EPB41L3: variants seen among roughly 807,000 people sequenced by gnomAD.
The protein encoded by EPB41L3 is erythrocyte membrane protein band 4.1 like 3.
EPB41L3 carries 57 observed loss-of-function variants against 127.1 expected under a neutral mutation model. That is an observed-to-expected ratio of 0.45 (90% confidence interval 0.36 to 0.56). EPB41L3 has a LOEUF of 0.56. Ranked by LOEUF, EPB41L3 falls within the 20% of genes least tolerant of loss-of-function variation. The pLI, the probability that EPB41L3 is intolerant of heterozygous loss-of-function variation, is 0.00. For missense variants in EPB41L3, 1,273 were observed against 1,372.2 expected, an observed-to-expected ratio of 0.93 and a Z score of 1.14; for synonymous variants, 572 against 549.5, an observed-to-expected ratio of 1.04 and a Z score of -0.57.
chr18:5,607,289 C>T (rs1219807906), intron 3 of EPB41L3, among the ~76,000 whole-genome samples: 1 of 152,148 alleles, frequency 6.6e-6, no homozygotes, highest in East Asian at 1.9e-4. Flanking sequence ...CAAGCTGTCA[C>T]AAAACTCAGG....
intron 8 of EPB41L3, among the ~76,000 whole-genome samples, chr18:5,430,957 C>T (rs1431503005): frequency 1.3e-5 from 2 of 152,124 alleles, no homozygotes; most frequent in Non-Finnish European, 2.9e-5. Flanking sequence ...GCAAGGAGCA[C>T]TGGGGTGTAC....
chr18:5,559,643 C>G lies in EPB41L3; in HGVS notation c.-306+52697G>C, dbSNP rs149714523. Reference sequence around the variant, plus strand: ...TCCGAATAATCATTCCACAAATAAACTTATGGATGTTTTTTATAAACTCAT... The same window carrying G: ...TCCGAATAATCATTCCACAAATAAAGTTATGGATGTTTTTTATAAACTCAT... On this transcript the variant is annotated intron_variant, in intron 3 of 21. Transcript: ENST00000545076. Among the ~76,000 whole-genome samples, 159 of 152,224 alleles carry G rather than the reference C, an allele frequency of 1.0e-3. 1 individual carries two copies. The highest frequency in any genetic ancestry group is 3.6e-3 in the African/African-American group (151 of 41,536).
chr18:5,475,491 G>A (rs965877186), intron 3 of EPB41L3, among the ~76,000 whole-genome samples: 2 of 152,172 alleles, frequency 1.3e-5, no homozygotes, highest in African/African-American at 2.4e-5. Flanking sequence ...AGGATGGCTC[G>A]CTGCCTTCTG....
intron 2 of EPB41L3, chr18:5,480,764 TC>T (rs1402064321): frequency 6.6e-6 from 1 of 152,194 alleles, no homozygotes; most frequent in East Asian, 1.9e-4. Context: ...CAGTCATCTC[TC>T]CCTCTTAGTG....
Position 5,560,975 on chromosome 18 carries a change from ATTTATTTAT to A in EPB41L3, c.-306+51356_-306+51364del, listed in dbSNP as rs1453335436. Among the ~76,000 whole-genome samples the A allele has an allele frequency of 4.0e-5, 5 of 125,056 alleles. No homozygotes were observed. In the East Asian group the frequency reaches 6.4e-4, roughly 16 times the overall value. 82.0% of individuals were successfully genotyped at this position (125,056 alleles called of 152,430 possible). On this transcript the variant is annotated intron_variant, in intron 3 of 21. Transcript: ENST00000545076. ...TATTTATTTATTTATTTATTTATTT[ATTTATTTAT>A]TTATTTATTTTGAGATGGAGTCTCG...
intron 11 of EPB41L3, 196 bp from the exon 12 acceptor site, chr18:5,420,073 G>C: frequency 1.7e-6 from 2 of 1,152,862 alleles, no homozygotes; most frequent in Non-Finnish European, 1.2e-6. Context: ...AATCAGTGCT[G>C]CAGGGACCTT....
intron 3 of EPB41L3, among the ~76,000 whole-genome samples, chr18:5,595,060 A>T (rs942891263): frequency 6.6e-6 from 1 of 152,220 alleles, no homozygotes. Flanking sequence ...AAAATGACCC[A>T]GCTTTTGGCT....
intron 3 of EPB41L3, among the ~76,000 whole-genome samples, chr18:5,583,886 G>A (rs1472326359): frequency 1.3e-5 from 2 of 152,092 alleles, no homozygotes; most frequent in East Asian, 1.9e-4. Context: ...TCGGCTCACC[G>A]CAACCTCTGC....
intron 3 of EPB41L3, among the ~76,000 whole-genome samples, chr18:5,556,173 G>A (rs2094032543): frequency 6.6e-6 from 1 of 152,242 alleles, no homozygotes; most frequent in South Asian, 2.1e-4. Flanking sequence ...AATCAGGACA[G>A]TACATAATGG....
intron 3 of EPB41L3, among the ~76,000 whole-genome samples, chr18:5,601,918 G>T (rs964110221): frequency 6.6e-6 from 1 of 152,186 alleles, no homozygotes; most frequent in Non-Finnish European, 1.5e-5. Context: ...GCACTTCGGA[G>T]TGGTTGATTT....
chr18:5,507,596 T>C (rs924203638), intron 1 of EPB41L3, among the ~76,000 whole-genome samples: 14 of 152,210 alleles, frequency 9.2e-5, no homozygotes, highest in African/African-American at 3.4e-4. Flanking sequence ...ATAAAATACC[T>C]AACCTTAACA....
chr18:5,489,274 G>C (rs2090307571), intron 1 of EPB41L3, 80 bp from the exon 2 acceptor site: 5 of 1,488,726 alleles, frequency 3.4e-6, no homozygotes, highest in Non-Finnish European at 4.5e-6. Context: ...TGCTCACCGT[G>C]AAAGGCTCAA....
intron 1 of EPB41L3, among the ~76,000 whole-genome samples, chr18:5,628,320 C>G (rs960282042): frequency 6.6e-6 from 1 of 152,288 alleles, no homozygotes; most frequent in African/African-American, 2.4e-5. Context: ...TGGCTTCCAG[C>G]CCTCTCGCGG....
At chr18:5,556,957 T>A (rs1160913226) in intron 3 of EPB41L3, among the ~76,000 whole-genome samples, 1 of 152,196 alleles carries the variant, frequency 6.6e-6, no homozygotes, top group Non-Finnish European at 1.5e-5. Context: ...ATGGCCACTC[T>A]CTCTCTGCCA....
intron 4 of EPB41L3, among the ~76,000 whole-genome samples, chr18:5,444,538 G>T (rs1369068764): frequency 6.6e-6 from 1 of 152,178 alleles, no homozygotes; most frequent in Non-Finnish European, 1.5e-5. Flanking sequence ...TAGTTGCGTG[G>T]ATTAAGGAGA....
In EPB41L3 at chr18:5,474,186, G is replaced by A. The variant is rs554484296; in HGVS notation, c.381+4055C>T. The stretch of plus-strand genomic sequence containing the variant: ...GCGGAGCTTGCAGTGAGCCGAGATC[G>A]CGCCACTGCACTCCAGCCTGGGCAA... On this transcript the variant is annotated intron_variant, in intron 3 of 22. Coordinates refer to ENST00000341928, the MANE Select transcript of EPB41L3 (RefSeq NM_012307.5). Among the ~76,000 whole-genome samples the A allele has an allele frequency of 6.6e-5, 10 of 151,648 alleles. No homozygotes were observed. In the South Asian group the frequency reaches 1.3e-3, roughly 19 times the overall value.
intron 3 of EPB41L3, among the ~76,000 whole-genome samples, chr18:5,552,670 T>C (rs991980384): frequency 2.0e-5 from 3 of 152,216 alleles, no homozygotes; most frequent in Admixed American, 2.0e-4. Flanking sequence ...TAAAATTTAC[T>C]GAGCATTTAT....
intron 1 of EPB41L3, among the ~76,000 whole-genome samples, chr18:5,621,737 T>A (rs760879247): frequency 1.3e-5 from 2 of 152,202 alleles, no homozygotes; most frequent in South Asian, 2.1e-4. Flanking sequence ...CAAGACCCTG[T>A]CTCACAAAAG....
intron 3 of EPB41L3, among the ~76,000 whole-genome samples, chr18:5,550,511 G>A (rs1381217622): frequency 6.6e-6 from 1 of 152,086 alleles, no homozygotes; most frequent in African/African-American, 2.4e-5. Flanking sequence ...ATCCATATAT[G>A]TTTAGAAATA....
Sources: allele counts gnomAD v4.1 joint callset (sites outside exome capture counted in the v4.1 genomes callset), GRCh38; gene constraint gnomAD v4.1.1; transcripts MANE v1.5; gene names NCBI Gene and HGNC (gene_info 2026-07-23, HGNC 2026-07-21).